Variants in PCDHGB6 observed in about 807,000 individuals in gnomAD.
PCDHGB6 encodes protocadherin gamma subfamily B, 6, also known as protocadherin gamma-B6.
A neutral mutation model predicts 59.1 loss-of-function variants in PCDHGB6; 51 were observed. That is an observed-to-expected ratio of 0.86 (90% confidence interval 0.69 to 1.09). The LOEUF (loss-of-function observed/expected upper bound fraction) is 1.09, where lower values mean the gene tolerates loss of function less well. Among genes scored for constraint, PCDHGB6 ranks in the 50% least tolerant of loss-of-function variants. PCDHGB6 has a pLI of 0.00. For synonymous variants in PCDHGB6, 466 were observed against 495.1 expected, an observed-to-expected ratio of 0.94 and a Z score of 0.78; for missense variants, 1,148 against 1,205.1, an observed-to-expected ratio of 0.95 and a Z score of 0.70.
At chr5:141,469,896 C>T (rs934040636) in intron 1 of PCDHGB6, among the ~76,000 whole-genome samples, 4 of 152,074 alleles carry the variant, frequency 2.6e-5, no homozygotes, top group Admixed American at 6.5e-5. Context: ...TTTGGGAAGC[C>T]GAGGCAGGCA....
chr5:141,431,830 C>G lies in PCDHGB6; in HGVS notation c.2418+21210C>G, dbSNP rs1354008481. 1 of 1,614,078 alleles carries G rather than the reference C, an allele frequency of 6.2e-7. No homozygotes were observed. The highest frequency in any genetic ancestry group is 8.5e-7 in the Non-Finnish European group (1 of 1,180,034). The stretch of plus-strand genomic sequence containing the variant: ...TCACCTCTCTCGCCAGCTCGGTTCC[C>G]GAAAACTCTCCCAGAGGGACATTAA... On this transcript the variant is annotated intron_variant, in intron 1 of 3. Coordinates refer to ENST00000520790, the MANE Select transcript of PCDHGB6 (RefSeq NM_018926.3). This position sits in a 1 kb window ranked among gnomAD's most constrained non-coding sequence, Gnocchi z 4.8.
Position 141,477,365 on chromosome 5 carries a change from C to T in PCDHGB6, c.2419-17442C>T, listed in dbSNP as rs754438240. On this transcript the variant is annotated intron_variant, in intron 1 of 3. Transcript: ENST00000520790. The surrounding 1 kb of genome is among the most constrained non-coding windows in gnomAD (Gnocchi z 4.9). ...TTTGAAAACCAGTGCAGACCTGGAT[C>T]GGGAGACTGTGCCAGAATACAACCT... The T allele has an allele frequency of 6.2e-7, 1 of 1,614,156 alleles. No homozygotes were observed. The highest frequency in any genetic ancestry group is 1.7e-5 in the Admixed American group (1 of 60,022).
chr5:141,434,784 A>C (rs967716221), intron 1 of PCDHGB6, among the ~76,000 whole-genome samples: 1 of 150,278 alleles, frequency 6.7e-6, no homozygotes, highest in African/African-American at 2.5e-5. Flanking sequence ...AAAAAAAAAA[A>C]TTTTTTTTTC....
intron 1 of PCDHGB6, among the ~76,000 whole-genome samples, chr5:141,445,738 T>G (rs553879167): frequency 9.9e-5 from 15 of 152,122 alleles, no homozygotes; most frequent in Non-Finnish European, 1.9e-4. Context: ...AAAGATCTTT[T>G]TAAAAAATAA....
Position 141,409,148 on chromosome 5 carries a change from A to C in PCDHGB6, c.946A>C (p.Thr316Pro), listed in dbSNP as rs2154541051. The change falls in exon 1 of 4, where the codon ACC becomes CCC. Residue 316 changes from threonine (T) to proline (P), a missense_variant. Transcript: ENST00000520790. ...SFDFEDVERYTMEVEAKDGGG... is the reference protein window; with the variant it reads ...SFDFEDVERYPMEVEAKDGGG... Reference sequence around the variant, plus strand: ...TGATTTTGAAGATGTAGAAAGGTACACCATGGAAGTGGAAGCGAAGGACGG... The same window carrying C: ...TGATTTTGAAGATGTAGAAAGGTACCCCATGGAAGTGGAAGCGAAGGACGG... 6.2e-7 allele frequency: 1 copy of C among 1,614,056 alleles called. No homozygotes were observed.
chr5:141,427,751 C>T (rs778043340), intron 1 of PCDHGB6: 1 of 1,306,072 alleles, frequency 7.7e-7, no homozygotes, highest in South Asian at 1.2e-5. Flanking sequence ...CCTACTCCAT[C>T]GTTACCACTG....
In PCDHGB6 at chr5:141,487,765, GC is replaced by G. The variant is rs2099665397; in HGVS notation, c.2419-7041del. The G allele has an allele frequency of 6.5e-7, 1 of 1,541,774 alleles. No individual in the cohort carries two copies. Among genetic ancestry groups the G allele is most frequent in the South Asian group, 1.2e-5 (1 of 83,146 alleles). On this transcript the variant is annotated intron_variant, in intron 1 of 3. Transcript: ENST00000520790. This position sits in a 1 kb window ranked among gnomAD's most constrained non-coding sequence, Gnocchi z 5.0. ...GAGGTAACTATGTGGTAGACGCTGT[GC>G]TTTGTAACTGTTTCGTGAATTAACC...
At chr5:141,423,533 T>C (rs2096751691) in intron 1 of PCDHGB6, 1 of 1,613,650 alleles carries the variant, frequency 6.2e-7, no homozygotes, top group Non-Finnish European at 8.5e-7. Flanking sequence ...AAGAGTCACC[T>C]GATTTTCCCC....
At chr5:141,496,178 C>T (rs1481326898) in intron 2 of PCDHGB6, among the ~76,000 whole-genome samples, 2 of 152,080 alleles carry the variant, frequency 1.3e-5, no homozygotes, top group Admixed American at 1.3e-4. Flanking sequence ...CCCATCCAAG[C>T]AGCCCCAGCT....
chr5:141,433,408 A>ATCTATCTATCT (rs1413347413), intron 1 of PCDHGB6, among the ~76,000 whole-genome samples: 6 of 127,280 alleles, frequency 4.7e-5, no homozygotes, highest in African/African-American at 1.8e-4. Context: ...TCTATCTATT[A>ATCTATCTATCT]CTTTCTTGTA....
intron 1 of PCDHGB6, chr5:141,420,342 T>C: frequency 7.2e-7 from 1 of 1,388,390 alleles, no homozygotes; most frequent in Non-Finnish European, 9.6e-7. Flanking sequence ...AATATAGTGG[T>C]ATTATTTTAA....
At chr5:141,438,710 G>C (rs568772648) in intron 1 of PCDHGB6, among the ~76,000 whole-genome samples, 2 of 147,308 alleles carry the variant, frequency 1.4e-5, no homozygotes, top group South Asian at 4.3e-4. Context: ...ACCCAGGCTG[G>C]AGTGCAAGTG....
At position 141,431,636 on chromosome 5, in the gene PCDHGB6, A is replaced by C; in HGVS notation, c.2418+21016A>C. 1 of 1,614,254 alleles carries C rather than the reference A, an allele frequency of 6.2e-7. No individual in the cohort carries two copies. On this transcript the variant is annotated intron_variant, in intron 1 of 3. Transcript: ENST00000520790. This position sits in a 1 kb window ranked among gnomAD's most constrained non-coding sequence, Gnocchi z 4.8. ...GGACGACAAGGCGGCCCAAGTTTTC[A>C]AACTAGATTGTAATTCAGGGACAAT... is the stretch of plus-strand genomic sequence containing the variant.
At chr5:141,419,548 G>C in intron 1 of PCDHGB6, 1 of 1,611,976 alleles carries the variant, frequency 6.2e-7, no homozygotes, top group Non-Finnish European at 8.5e-7. Context: ...CGCGGGTGCT[G>C]TACCCTGCGC....
chr5:141,459,580 G>C (rs1364413383), intron 1 of PCDHGB6, among the ~76,000 whole-genome samples: 1 of 152,118 alleles, frequency 6.6e-6, no homozygotes, highest in Non-Finnish European at 1.5e-5. Flanking sequence ...GAATTGTTTT[G>C]GGGGTCATAT....
Position 141,511,042 on chromosome 5 carries a change from G to C in PCDHGB6, c.2662G>C (p.Asp888His), listed in dbSNP as rs774071540. Residue 888 changes from aspartate (D) to histidine (H), a missense_variant, in exon 4 of 4, where the codon GAC becomes CAC. Transcript: ENST00000520790. Reference sequence around the variant, plus strand: ...CCAGTTCACCCTGCAGCACGTGCCCGACTACCGCCAGAATGTCTACATCCC... The same window carrying C: ...CCAGTTCACCCTGCAGCACGTGCCCCACTACCGCCAGAATGTCTACATCCC... ...GPQFTLQHVP[D>H]YRQNVYIPGS... 6.2e-7 allele frequency: 1 copy of C among 1,614,182 alleles called. No homozygotes were observed. Among genetic ancestry groups the C allele is most frequent in the South Asian group, 1.1e-5 (1 of 91,084 alleles).
chr5:141,439,790 C>G (rs2098131627), intron 1 of PCDHGB6: 2 of 152,248 alleles, frequency 1.3e-5, no homozygotes, highest in Non-Finnish European at 2.9e-5. Flanking sequence ...TTCTATAATC[C>G]AAGAAGAGTT....
At chr5:141,500,488 C>T (rs569168291) in intron 2 of PCDHGB6, among the ~76,000 whole-genome samples, 4 of 152,178 alleles carry the variant, frequency 2.6e-5, no homozygotes, top group South Asian at 2.1e-4. Flanking sequence ...GGATTACAGG[C>T]GTGAGCCACC....
intron 1 of PCDHGB6, chr5:141,421,959 A>T: frequency 6.2e-7 from 1 of 1,612,798 alleles, no homozygotes; most frequent in Non-Finnish European, 8.5e-7. Flanking sequence ...CAATGTTTAC[A>T]CAGTCCGTAT....
Sources: allele counts gnomAD v4.1 joint callset (sites outside exome capture counted in the v4.1 genomes callset), GRCh38; gene constraint gnomAD v4.1.1; non-coding constraint Gnocchi (gnomAD v3.1); transcripts MANE v1.5; gene names NCBI Gene and HGNC (gene_info 2026-07-23, HGNC 2026-07-21).